Variants in MPP7 observed in about 807,000 individuals in gnomAD.
The protein encoded by MPP7 is MAGUK p55 subfamily member 7.
In MPP7, 60 loss-of-function variants were observed where a neutral mutation model predicts 76.5. That is an observed-to-expected ratio of 0.78 (90% confidence interval 0.64 to 0.97). The LOEUF is 0.97. MPP7 is among the 50% of genes least tolerant of loss of function. The pLI is 0.00. For synonymous variants in MPP7, 237 were observed against 244.5 expected, an observed-to-expected ratio of 0.97 and a Z score of 0.29; for missense variants, 641 against 694.0, an observed-to-expected ratio of 0.92 and a Z score of 0.86.
At chr10:28,128,923 G>A (rs547432520) in intron 6 of MPP7, among the ~76,000 whole-genome samples, 1 of 152,126 alleles carries the variant, frequency 6.6e-6, no homozygotes, top group Non-Finnish European at 1.5e-5. Flanking sequence ...GCACTCCAAC[G>A]CATAAGGGTC....
chr10:28,148,839 A>T (rs1410499147), intron 4 of MPP7, among the ~76,000 whole-genome samples: 1 of 152,328 alleles, frequency 6.6e-6, no homozygotes, highest in Admixed American at 6.5e-5. Flanking sequence ...ATTGGTTTAT[A>T]AACAAATGTT....
rs1455337683 is a variant in MPP7, at chr10:28,089,672, A to T, written c.1122T>A (p.Val374=). 2 of 1,611,186 alleles carry T rather than the reference A, an allele frequency of 1.2e-6. No individual in the cohort carries two copies. Among genetic ancestry groups the T allele is most frequent in the Admixed American group, 3.4e-5 (2 of 59,302 alleles). Reference sequence around the variant, plus strand: ...TTACTCACAGAAACAAGCACTTACCAACCAAGACAACGAGTCTGTATTTTT... The same window carrying T: ...TTACTCACAGAAACAAGCACTTACCTACCAAGACAACGAGTCTGTATTTTT... The part of the protein sequence containing the change: ...TNEKYRLVVL[V]GPVGVGLNEL... Residue 374 remains valine (V), a splice_region_variant and synonymous_variant, in exon 12 of 17, where the codon GTT becomes GTA. Coordinates refer to ENST00000683449, the MANE Select transcript of MPP7 (RefSeq NM_001318170.2).
At chr10:28,276,837 GAATA>G (rs1446492659) in intron 1 of MPP7, among the ~76,000 whole-genome samples, 2 of 152,046 alleles carry the variant, frequency 1.3e-5, no homozygotes, top group Admixed American at 6.5e-5. Context: ...ATAGGATTAG[GAATA>G]ATAGCCCTAT....
chr10:28,096,666 T>G (rs1391091648), intron 11 of MPP7, among the ~76,000 whole-genome samples: 1 of 152,214 alleles, frequency 6.6e-6, no homozygotes, highest in Non-Finnish European at 1.5e-5. Context: ...CCTTCCATTG[T>G]TTCTATAACT....
At chr10:28,215,214 C>G (rs541862309) in intron 2 of MPP7, among the ~76,000 whole-genome samples, 1 of 152,110 alleles carries the variant, frequency 6.6e-6, no homozygotes, top group East Asian at 1.9e-4. Context: ...AATAAAACTC[C>G]GGTCTCCTGA....
chr10:28,072,361 A>G (rs1179969485), intron 12 of MPP7, among the ~76,000 whole-genome samples: 1 of 151,830 alleles, frequency 6.6e-6, no homozygotes, highest in East Asian at 1.9e-4. Flanking sequence ...ACCCCACCAC[A>G]GGCTGCATCA....
chr10:28,066,357 C>T (rs1851987681), intron 13 of MPP7, among the ~76,000 whole-genome samples: 1 of 152,130 alleles, frequency 6.6e-6, no homozygotes, highest in African/African-American at 2.4e-5. Flanking sequence ...GCCACTTTAG[C>T]TCGAGTACCT....
At chr10:28,061,341 A>T (rs1412622139) in intron 13 of MPP7, among the ~76,000 whole-genome samples, 1 of 152,090 alleles carries the variant, frequency 6.6e-6, no homozygotes. Flanking sequence ...TCTTAGCAGA[A>T]GAACAGAAAC....
At chr10:28,327,187 A>C (rs1834424592) in intron 2 of MPP7, among the ~76,000 whole-genome samples, 1 of 150,254 alleles carries the variant, frequency 6.7e-6, no homozygotes, top group Admixed American at 6.7e-5. Flanking sequence ...GGAACTGGGA[A>C]GTCTTAGAGC....
intron 11 of MPP7, among the ~76,000 whole-genome samples, chr10:28,090,297 G>GA (rs1225764041): frequency 3.3e-5 from 5 of 151,704 alleles, no homozygotes; most frequent in Admixed American, 3.3e-4. Context: ...CATTCAGTAA[G>GA]AAAAAAATAA....
intron 3 of MPP7, among the ~76,000 whole-genome samples, chr10:28,173,656 T>C (rs112385749): frequency 0.014 from 2,155 of 152,294 alleles, 26 homozygotes; most frequent in Non-Finnish European, 0.024. Flanking sequence ...AACTATTCCT[T>C]TGTAGCAACA....
At chr10:28,289,839 G>A (rs1840872100) in intron 1 of MPP7, among the ~76,000 whole-genome samples, 1 of 152,146 alleles carries the variant, frequency 6.6e-6, no homozygotes, top group Non-Finnish European at 1.5e-5. Flanking sequence ...TCCTCTTTGA[G>A]ACAGAGTCTC....
At chr10:28,264,815 G>A (rs978792568) in intron 1 of MPP7, among the ~76,000 whole-genome samples, 2 of 151,988 alleles carry the variant, frequency 1.3e-5, no homozygotes, top group Non-Finnish European at 2.9e-5. Context: ...GGTGGCGGTG[G>A]GTAAAAAGGA....
chr10:28,262,274 T>TAC (rs777631406), intron 1 of MPP7, among the ~76,000 whole-genome samples: 5 of 67,092 alleles, frequency 7.5e-5, no homozygotes, highest in Admixed American at 1.9e-4. Context: ...TATATATATA[T>TAC]ATATTTTTTT....
At chr10:28,170,919 C>T (rs966748186) in intron 3 of MPP7, among the ~76,000 whole-genome samples, 7 of 152,078 alleles carry the variant, frequency 4.6e-5, no homozygotes, top group African/African-American at 1.4e-4. Context: ...TCTCACATGA[C>T]GAGATAACAG....
intron 3 of MPP7, among the ~76,000 whole-genome samples, chr10:28,190,251 G>A (rs1588902694): frequency 6.6e-6 from 1 of 151,944 alleles, no homozygotes; most frequent in Admixed American, 6.6e-5. Context: ...CTATCAGTCA[G>A]TAATTGACAG....
At chr10:28,294,271 C>T (rs185137547) in intron 1 of MPP7, among the ~76,000 whole-genome samples, 61 of 152,322 alleles carry the variant, frequency 4.0e-4, no homozygotes, top group African/African-American at 1.4e-3. Context: ...CACACCACTG[C>T]ACTCCAGCCT....
intron 3 of MPP7, among the ~76,000 whole-genome samples, 196 bp downstream of exon 3, chr10:28,201,957 C>A (rs1054750833): frequency 1.3e-5 from 2 of 152,158 alleles, no homozygotes; most frequent in Non-Finnish European, 2.9e-5. Flanking sequence ...GTATACAGAG[C>A]CAGCTCACCA....
chr10:28,085,639 G>A (rs1432824516), intron 12 of MPP7, among the ~76,000 whole-genome samples: 2 of 152,122 alleles, frequency 1.3e-5, no homozygotes, highest in African/African-American at 2.4e-5. Context: ...CAATATAAAC[G>A]TTCACTGACT....
Sources: allele counts gnomAD v4.1 joint callset (sites outside exome capture counted in the v4.1 genomes callset), GRCh38; gene constraint gnomAD v4.1.1; transcripts MANE v1.5; gene names NCBI Gene and HGNC (gene_info 2026-07-23, HGNC 2026-07-21).